NPSR1: variants seen among roughly 807,000 people sequenced by gnomAD.
NPSR1 encodes neuropeptide S receptor.
Under a neutral mutation model 46.9 loss-of-function variants are expected in NPSR1, and 48 were observed. That is an observed-to-expected ratio of 1.02 (90% confidence interval 0.81 to 1.30). The LOEUF (loss-of-function observed/expected upper bound fraction) is 1.30. NPSR1 is among the 50% of genes most tolerant of loss of function. NPSR1 has a pLI of 0.00. For synonymous variants in NPSR1, 176 were observed against 168.1 expected (o/e 1.05, Z -0.36); for missense variants, 450 against 449.5 (o/e 1.00, Z -0.01).
chr7:34,658,730 A>T (rs574201185), intron 1 of NPSR1, among the ~76,000 whole-genome samples, 171 bp downstream of exon 1: 26 of 152,374 alleles, frequency 1.7e-4, no homozygotes, highest in Non-Finnish European at 3.1e-4. Context: ...TAGTGTGCAG[A>T]GACCTAGATT....
At chr7:34,831,494 AAGAGAG>A in intron 5 of NPSR1, among the ~76,000 whole-genome samples, 1 of 150,422 alleles carries the variant, frequency 6.6e-6, no homozygotes, top group African/African-American at 2.4e-5. Flanking sequence ...GAGGGAGGGA[AAGAGAG>A]AGAGAGAGAG....
intron 2 of NPSR1, among the ~76,000 whole-genome samples, chr7:34,749,201 C>T (rs1300642954): frequency 2.6e-5 from 4 of 152,144 alleles, no homozygotes; most frequent in Non-Finnish European, 5.9e-5. Flanking sequence ...TGTTGTACCC[C>T]AAACCTTCAA....
chr7:34,796,713 G>A (rs34980042), intron 3 of NPSR1, among the ~76,000 whole-genome samples: 18,650 of 152,174 alleles, frequency 0.12, 1,437 homozygotes, highest in Non-Finnish European at 0.17. Flanking sequence ...CAACAGGAAC[G>A]TTCACTCATT....
intron 3 of NPSR1, among the ~76,000 whole-genome samples, chr7:34,782,975 C>A (rs547291933): frequency 4.6e-5 from 7 of 151,886 alleles, no homozygotes; most frequent in South Asian, 4.2e-4. Flanking sequence ...AGCTAAAAAA[C>A]ATTATAAATG....
intron 2 of NPSR1, among the ~76,000 whole-genome samples, chr7:34,702,532 G>A (rs1793881662): frequency 1.3e-5 from 2 of 152,152 alleles, no homozygotes; most frequent in South Asian, 4.2e-4. Context: ...CCCATTGCCT[G>A]CTTTGAGAAT....
chr7:34,757,351 C>G (rs1157693532), intron 2 of NPSR1, among the ~76,000 whole-genome samples: 2 of 152,138 alleles, frequency 1.3e-5, no homozygotes, highest in Non-Finnish European at 2.9e-5. Flanking sequence ...TATATGTGCA[C>G]AGTAGGCAGT....
intron 2 of NPSR1, among the ~76,000 whole-genome samples, chr7:34,768,136 AAAATT>A (rs1323447421): frequency 1.3e-5 from 2 of 152,162 alleles, no homozygotes; most frequent in African/African-American, 4.8e-5. Flanking sequence ...TGTCATTTTA[AAAATT>A]AAATTAATAT....
chr7:34,849,188 G>A, intron 8 of NPSR1: 2 of 652,174 alleles, frequency 3.1e-6, no homozygotes, highest in South Asian at 1.8e-5. Context: ...AGATACAAGA[G>A]GAGAATGATT....
intron 2 of NPSR1, among the ~76,000 whole-genome samples, chr7:34,715,958 T>C (rs1783540590): frequency 6.6e-6 from 1 of 151,962 alleles, no homozygotes; most frequent in Non-Finnish European, 1.5e-5. Flanking sequence ...CGAGGGAAGA[T>C]AAAAGTCAGA....
At chr7:34,791,080 TATATGTTATATATATTATATATA>T (rs1181825334) in intron 3 of NPSR1, among the ~76,000 whole-genome samples, 3 of 100,630 alleles carry the variant, frequency 3.0e-5, no homozygotes, top group African/African-American at 1.4e-4. Context: ...TTATATATGT[TATATGTTATATATATTATATATA>T]ATATGTTATA....
chr7:34,847,098 G>C (rs1790764234), intron 7 of NPSR1, among the ~76,000 whole-genome samples: 1 of 152,180 alleles, frequency 6.6e-6, no homozygotes, highest in South Asian at 2.1e-4. Flanking sequence ...TTTTGTGTTT[G>C]AATTGCTCCT....
chr7:34,872,172 C>A (rs1791471217), intron 8 of NPSR1, among the ~76,000 whole-genome samples: 1 of 151,998 alleles, frequency 6.6e-6, no homozygotes, highest in Non-Finnish European at 1.5e-5. Flanking sequence ...CATCACGTGA[C>A]AACTGCCAAG....
At chr7:34,863,157 T>C (rs1791228131) in intron 8 of NPSR1, among the ~76,000 whole-genome samples, 1 of 151,736 alleles carries the variant, frequency 6.6e-6, no homozygotes, top group African/African-American at 2.4e-5. Context: ...ATAAATTGTG[T>C]TGGGGAAATA....
intron 2 of NPSR1, among the ~76,000 whole-genome samples, chr7:34,764,263 C>T (rs1786320917): frequency 6.6e-6 from 1 of 152,102 alleles, no homozygotes; most frequent in Non-Finnish European, 1.5e-5. Flanking sequence ...TATTAATGTG[C>T]TGGTTGAAAG....
Position 34,849,695 on chromosome 7 carries a change from C to G in NPSR1, c.*40C>G, listed in dbSNP as rs759663701. On this transcript the variant is annotated 3_prime_UTR_variant, in exon 9 of 9. Transcript: ENST00000360581. ...CCAGTGCTAGGCTGAGCACCATCAG[C>G]TCTCCCAGGTCCTTGTCACCTGCTT... 6.2e-7 allele frequency: 1 copy of G among 1,609,758 alleles called. No homozygotes were observed. Among genetic ancestry groups the G allele is most frequent in the Non-Finnish European group, 8.5e-7 (1 of 1,178,008 alleles).
intron 2 of NPSR1, among the ~76,000 whole-genome samples, chr7:34,746,943 G>A (rs573278518): frequency 6.6e-6 from 1 of 152,078 alleles, no homozygotes; most frequent in East Asian, 1.9e-4. Context: ...TGGCCAACGT[G>A]GTGAAACCCC....
At chr7:34,759,901 C>T (rs931317442) in intron 2 of NPSR1, among the ~76,000 whole-genome samples, 8 of 152,150 alleles carry the variant, frequency 5.3e-5, no homozygotes, top group African/African-American at 1.9e-4. Context: ...CAGAATTGCC[C>T]CATAAGTAGC....
chr7:34,768,042 A>C (rs537998789), intron 2 of NPSR1, among the ~76,000 whole-genome samples: 1 of 152,278 alleles, frequency 6.6e-6, no homozygotes, highest in African/African-American at 2.4e-5. Flanking sequence ...TAAATGCTAG[A>C]GATGATAGAT....
At chr7:34,876,218 T>TC (rs34157915) in intron 8 of NPSR1, among the ~76,000 whole-genome samples, 393 of 152,172 alleles carry the variant, frequency 2.6e-3, no homozygotes, top group East Asian at 6.2e-3. Flanking sequence ...AAGGGAAATA[T>TC]CACTGCTGTC....
Sources: gnomAD v4.1 joint callset for allele counts (sites outside exome capture counted in the v4.1 genomes callset) on GRCh38, gnomAD v4.1.1 for gene constraint, MANE v1.5 for transcripts, NCBI Gene and HGNC (gene_info 2026-07-23, HGNC 2026-07-21) for gene names.